UBE3B: variants seen among roughly 807,000 people sequenced by gnomAD.
UBE3B encodes ubiquitin protein ligase E3B.
A neutral mutation model predicts 132.3 loss-of-function variants in UBE3B; 80 were observed. The observed-to-expected ratio is 0.60, with a 90% CI of 0.50 to 0.73. The LOEUF (loss-of-function observed/expected upper bound fraction) is 0.73, where lower values mean the gene tolerates loss of function less well. UBE3B is among the 30% of genes least tolerant of loss of function. The pLI, the probability that UBE3B is intolerant of heterozygous loss-of-function variation, is 0.00. For missense variants in UBE3B, 1,196 were observed against 1,362.5 expected (o/e 0.88, Z 1.92); for synonymous variants, 487 against 520.4 (o/e 0.94, Z 0.87).
chr12:109,517,163 A>G (rs895639677), intron 19 of UBE3B, among the ~76,000 whole-genome samples: 1 of 152,156 alleles, frequency 6.6e-6, no homozygotes, highest in South Asian at 2.1e-4. Context: ...TGTCCCTTTG[A>G]AATGAGGACA....
rs1365879789 is a variant in UBE3B, at chr12:109,501,445, TCTGTGACATC to T, written c.1197_1206del (p.Cys399Ter). 2 of 1,614,012 alleles carry T rather than the reference TCTGTGACATC, an allele frequency of 1.2e-6. No individual in the cohort carries two copies. Among genetic ancestry groups the T allele is most frequent in the Non-Finnish European group, 1.7e-6 (2 of 1,180,032 alleles). On this transcript the variant is annotated frameshift_variant, in exon 13 of 28. Transcript: ENST00000342494. LOFTEE classifies it high-confidence loss of function. ...GGGGTGCCTCTGATCCGGATCTTCT[TCTGTGACATC>T]CTGAGCAAGAAGCTACTGGAGAGCC... is the stretch of plus-strand genomic sequence containing the variant.
At chr12:109,488,183 G>C (rs567613517) in intron 6 of UBE3B, among the ~76,000 whole-genome samples, 153 of 152,370 alleles carry the variant, frequency 1.0e-3, no homozygotes, top group Non-Finnish European at 1.9e-3. Flanking sequence ...CACACAGCTA[G>C]TAAGTGGTGA....
the UBE3B span, among the ~76,000 whole-genome samples, chr12:109,543,986 A>G: frequency 3.3e-5 from 5 of 151,898 alleles, no homozygotes; most frequent in African/African-American, 1.2e-4. Flanking sequence ...CAGCATCCTG[A>G]GGGGGTGTCG....
intron 18 of UBE3B, among the ~76,000 whole-genome samples, 177 bp from the exon 19 acceptor site, chr12:109,516,588 A>C (rs558587738): frequency 6.6e-6 from 1 of 152,210 alleles, no homozygotes; most frequent in African/African-American, 2.4e-5. Flanking sequence ...AATTCCCACA[A>C]GTGTTCCAGG....
At chr12:109,497,748 G>A in intron 9 of UBE3B, 70 bp from the exon 10 acceptor site, 1 of 1,454,874 alleles carries the variant, frequency 6.9e-7, no homozygotes. Context: ...TGAGCACGTT[G>A]GTGGGGTTGT....
chr12:109,524,106 C>G lies in UBE3B; in HGVS notation c.2493C>G (p.Thr831=). Residue 831 remains threonine (T), a synonymous_variant, in exon 22 of 28, where the codon ACC becomes ACG. Coordinates refer to ENST00000342494, the MANE Select transcript of UBE3B (RefSeq NM_130466.4). The stretch of plus-strand genomic sequence containing the variant: ...ACTCCGAGTTCTATAAAAACCTCAC[C>G]TCCATCAAGGTGAGCATGGAATGGT... ...SLDSEFYKNL[T]SIKRYDGDIT... is the part of the protein sequence containing the mutation. 6.2e-7 allele frequency: 1 copy of G among 1,614,164 alleles called. No homozygotes were observed. The highest frequency in any genetic ancestry group is 1.1e-5 in the South Asian group (1 of 91,082).
At chr12:109,520,743 AT>A (rs35964882) in intron 19 of UBE3B, 50,408 of 148,428 alleles carry the variant, frequency 0.34, 8,718 homozygotes, top group African/African-American at 0.46. Flanking sequence ...TGTAGGTTTG[AT>A]TTTTTTTTTT....
At position 109,477,872 on chromosome 12, in the gene UBE3B, GGCACAGT is replaced by G. The variant is rs1473601848; in HGVS notation, c.-364_-358del. 1 of 156,300 alleles carries G rather than the reference GGCACAGT, an allele frequency of 6.4e-6. No individual in the cohort carries two copies. The highest frequency in any genetic ancestry group is 1.4e-5 in the Non-Finnish European group (1 of 70,304). The allele number at this position is 156,300 out of a possible 1,614,324, so 9.7% of individuals were successfully genotyped here. ...GGGACTTTGAGGGAGTTGGCTCTAG[GGCACAGT>G]CCCTGCCTGGCCAGGTCGGAGGAAC... On this transcript the variant is annotated 5_prime_UTR_variant, in exon 1 of 28. Transcript: ENST00000342494.
chr12:109,546,561 A>G, the UBE3B span, among the ~76,000 whole-genome samples: 1 of 152,254 alleles, frequency 6.6e-6, no homozygotes, highest in Non-Finnish European at 1.5e-5. Flanking sequence ...CGCTCAGTGC[A>G]TGCAGGGGTC....
Position 109,499,359 on chromosome 12 carries a change from A to G in UBE3B, c.941-274A>G, listed in dbSNP as rs78066786. Among the ~76,000 whole-genome samples the G allele has an allele frequency of 2.9e-3, 445 of 152,332 alleles. 20 individuals carry two copies. In the East Asian group the frequency reaches 0.055, roughly 19 times the overall value. On this transcript the variant is annotated intron_variant, in intron 11 of 27. Transcript: ENST00000342494. ...CATCCTCATATGGAGAGTAGGGATC[A>G]TCATTCCAATCTTACAAATGAAGAA... is the stretch of plus-strand genomic sequence containing the variant.
the UBE3B span, among the ~76,000 whole-genome samples, chr12:109,546,358 C>T: frequency 6.6e-6 from 1 of 152,134 alleles, no homozygotes; most frequent in Non-Finnish European, 1.5e-5. Flanking sequence ...TCTTTATCAG[C>T]CAGGGCAACA....
rs920434914 is a variant in UBE3B, at chr12:109,535,774, C to G, written c.*992C>G. 6.6e-6 allele frequency: 1 copy of G among 152,226 alleles called. No individual in the cohort carries two copies. Among genetic ancestry groups the G allele is most frequent in the African/African-American group, 2.4e-5 (1 of 41,456 alleles). 9.4% of individuals were successfully genotyped at this position (152,226 alleles called of 1,614,324 possible). A position where few individuals can be genotyped will look rare whatever the true frequency, so the allele number is the denominator to read the frequency against. On this transcript the variant is annotated 3_prime_UTR_variant, in exon 28 of 28. Transcript: ENST00000342494. ...TCCTCAGCACAGGGAACCCGGAAGC[C>G]CGTTGCACTGACAGAGGCTCACACC...
chr12:109,525,230 C>G, intron 23 of UBE3B, among the ~76,000 whole-genome samples: 1 of 152,214 alleles, frequency 6.6e-6, no homozygotes, highest in East Asian at 1.9e-4. Context: ...GTGGCCTGTC[C>G]TCCTGAAAGG....
chr12:109,533,916 C>T (rs749221306), intron 27 of UBE3B: 97 of 1,325,380 alleles, frequency 7.3e-5, no homozygotes, highest in African/African-American at 1.2e-4. Context: ...GGCAGGCAGG[C>T]GCAGACTCGA....
chr12:109,508,133 C>G (rs1879916472), intron 15 of UBE3B, among the ~76,000 whole-genome samples: 1 of 152,196 alleles, frequency 6.6e-6, no homozygotes, highest in Non-Finnish European at 1.5e-5. Flanking sequence ...ATCACGGATT[C>G]AACCTCTCTG....
chr12:109,533,882 G>A, intron 27 of UBE3B: 1 of 1,324,068 alleles, frequency 7.6e-7, no homozygotes, highest in South Asian at 1.2e-5. Flanking sequence ...CAGCATGGGA[G>A]AAAGTGAGAG....
intron 14 of UBE3B, 37 bp from the exon 15 acceptor site, chr12:109,507,527 T>G: frequency 1.3e-6 from 2 of 1,595,120 alleles, no homozygotes; most frequent in Non-Finnish European, 1.7e-6. Context: ...AGGTGGAGTC[T>G]CCACCTGAAG....
chr12:109,516,124 G>A (rs1592944731), intron 18 of UBE3B, among the ~76,000 whole-genome samples: 1 of 150,562 alleles, frequency 6.6e-6, no homozygotes, highest in Non-Finnish European at 1.5e-5. Flanking sequence ...TTTTATAGTG[G>A]ATTATTGACT....
At chr12:109,528,692 A>G (rs991815615) in intron 24 of UBE3B, among the ~76,000 whole-genome samples, 6 of 151,984 alleles carry the variant, frequency 3.9e-5, no homozygotes, top group Non-Finnish European at 8.8e-5. Context: ...CGTCTCTACT[A>G]AAAATACAAA....
Sources: allele counts gnomAD v4.1 joint callset (sites outside exome capture counted in the v4.1 genomes callset), GRCh38; gene constraint gnomAD v4.1.1; transcripts MANE v1.5; gene names NCBI Gene and HGNC (gene_info 2026-07-23, HGNC 2026-07-21).